The following ACP1 variants were observed in gnomAD, a reference collection of about 807,000 sequenced individuals.
ACP1 encodes the protein low molecular weight phosphotyrosine protein phosphatase.
In ACP1, 23 loss-of-function variants were observed where a neutral mutation model predicts 23.4. The ratio of observed to expected loss-of-function variants is 0.98; its 90% CI spans 0.71 to 1.39. ACP1 has a LOEUF of 1.39. ACP1 is among the 40% of genes most tolerant of loss of function. The pLI is 0.00. For synonymous variants in ACP1, 72 were observed against 67.2 expected (o/e 1.07, Z -0.35); for missense variants, 180 against 197.7 (o/e 0.91, Z 0.54).
At chr2:269,401 A>G (rs970263273) in intron 1 of ACP1, 1 of 463,050 alleles carries the variant, frequency 2.2e-6, no homozygotes, top group Non-Finnish European at 4.5e-6. Context: ...GTAGTAAGGC[A>G]GTGAGTTGGT....
chr2:277,797 T>G lies in ACP1; in HGVS notation c.*493T>G, dbSNP rs1371927946. 1 of 167,166 alleles carries G rather than the reference T, an allele frequency of 6.0e-6. No homozygotes were observed. The highest frequency in any genetic ancestry group is 1.3e-5 in the Non-Finnish European group (1 of 75,882). 10.4% of individuals were successfully genotyped at this position (167,166 alleles called of 1,614,324 possible). On this transcript the variant is annotated 3_prime_UTR_variant, in exon 6 of 6. Transcript: ENST00000272065. ...CTCCGTAGGAGCTCACAGTCTAGAT[T>G]AGAAGTGTTTTAATTTCTACACACC...
At chr2:265,305 C>T (rs1043250633) in intron 1 of ACP1, 1 of 373,892 alleles carries the variant, frequency 2.7e-6, no homozygotes, top group Middle Eastern at 7.0e-4. Context: ...TACTAGAATC[C>T]CTCTCGTTCC....
In ACP1 at chr2:266,710, G is replaced by C. The variant is rs560102126; in HGVS notation, c.43+1703G>C. On this transcript the variant is annotated intron_variant, in intron 1 of 5. Coordinates refer to ENST00000272065, the MANE Select transcript of ACP1 (RefSeq NM_004300.4). Reference sequence around the variant, plus strand: ...TGCAGTTTGAGGCAAGACAGCAGACGATCAGGAATTTCTTTTTCCTTGTTT... The same window carrying C: ...TGCAGTTTGAGGCAAGACAGCAGACCATCAGGAATTTCTTTTTCCTTGTTT... Among the ~76,000 whole-genome samples, 55 of 152,326 alleles carry C rather than the reference G, an allele frequency of 3.6e-4. 1 individual carries two copies. The highest frequency in any genetic ancestry group is 7.8e-4 in the Admixed American group (12 of 15,310).
rs113214267 is a variant in ACP1, at chr2:277,111, T to C, written c.399+26T>C. ...GTAAGTACAGTTCACGTTTTAGGGCTAATATGAAGACCCAACACATTTGTA... is the reference window on the plus strand; with the variant it reads ...GTAAGTACAGTTCACGTTTTAGGGCCAATATGAAGACCCAACACATTTGTA... On this transcript the variant is annotated intron_variant, in intron 5 of 5. Coordinates refer to ENST00000272065, the MANE Select transcript of ACP1 (RefSeq NM_004300.4). 12,412 of 1,580,130 alleles carry C rather than the reference T, an allele frequency of 7.9e-3. 75 individuals carry two copies. Among genetic ancestry groups the C allele is most frequent in the Non-Finnish European group, 9.4e-3 (10,764 of 1,149,044 alleles).
At chr2:267,139 A>G (rs1669912675) in intron 1 of ACP1, among the ~76,000 whole-genome samples, 1 of 152,200 alleles carries the variant, frequency 6.6e-6, no homozygotes, top group Non-Finnish European at 1.5e-5. Flanking sequence ...TTCATTTAAT[A>G]TTTTCCAACT....
At chr2:276,331 G>A (rs1275461005) in intron 4 of ACP1, among the ~76,000 whole-genome samples, 4 of 152,216 alleles carry the variant, frequency 2.6e-5, no homozygotes, top group African/African-American at 9.6e-5. Flanking sequence ...ATCCTGAGCT[G>A]TAAAACTTCG....
chr2:276,925 C>G, intron 4 of ACP1, 55 bp from the exon 5 acceptor site: 1 of 1,086,108 alleles, frequency 9.2e-7, no homozygotes, highest in South Asian at 1.4e-5. Flanking sequence ...GCAGATGTCC[C>G]TGTTTAACTT....
At chr2:271,817 C>T (rs1456335203) in intron 1 of ACP1, 49 bp from the exon 2 acceptor site, 5 of 1,448,880 alleles carry the variant, frequency 3.5e-6, no homozygotes, top group African/African-American at 2.8e-5. Context: ...TGGCATGTGC[C>T]CTTCCATCCA....
chr2:271,998 C>A (rs1488191255), intron 2 of ACP1, 39 bp from the exon 3 acceptor site: 78 of 1,483,252 alleles, frequency 5.3e-5, no homozygotes, highest in Admixed American at 3.7e-4. Context: ...CAGGAAATTG[C>A]AAAAAAAAAA....
intron 1 of ACP1, among the ~76,000 whole-genome samples, chr2:270,207 C>T (rs1394068432): frequency 6.6e-6 from 1 of 152,212 alleles, no homozygotes; most frequent in Non-Finnish European, 1.5e-5. Flanking sequence ...GTGCTTGGCA[C>T]ATAGAGTTGG....
intron 1 of ACP1, among the ~76,000 whole-genome samples, chr2:268,856 G>A (rs1211181414): frequency 6.6e-6 from 1 of 152,202 alleles, no homozygotes; most frequent in Admixed American, 6.5e-5. Context: ...ACAAAATTTG[G>A]TGGCATCAAC....
chr2:271,901 T>A lies in ACP1; in HGVS notation c.79T>A (p.Phe27Ile), dbSNP rs375107595. ...ICRSPIAEAV[F>I]RKLVTDQNIS... Reference sequence around the variant, plus strand: ...TCGATCACCCATTGCAGAAGCAGTTTTCAGGAAACTTGTAACCGATCAAAA... The same window carrying A: ...TCGATCACCCATTGCAGAAGCAGTTATCAGGAAACTTGTAACCGATCAAAA... The change falls in exon 2 of 6, where the codon TTC becomes ATC. Residue 27 changes from phenylalanine (F) to isoleucine (I), a missense_variant. Around this residue, in one of 3 missense-constraint regions of ACP1, gnomAD observed 132 missense variants for 124.1 expected, o/e 1.06. Coordinates refer to ENST00000272065, the MANE Select transcript of ACP1 (RefSeq NM_004300.4). The A allele has an allele frequency of 1.2e-6, 2 of 1,613,886 alleles. No homozygotes were observed. The highest frequency in any genetic ancestry group is 2.7e-5 in the African/African-American group (2 of 74,878).
chr2:277,235 C>T lies in ACP1; in HGVS notation c.408C>T (p.Asp136=), dbSNP rs1268359716. ...LIIEDPYYGN[D]SDFETVYQQC... ...TTTTCCTGTCCATTTAGGGGAATGACTCTGACTTTGAGACGGTGTACCAGC... is the reference window on the plus strand; with the variant it reads ...TTTTCCTGTCCATTTAGGGGAATGATTCTGACTTTGAGACGGTGTACCAGC... Residue 136 remains aspartate (D), a synonymous_variant, in exon 6 of 6, where the codon GAC becomes GAT. Transcript: ENST00000272065. The T allele has an allele frequency of 6.2e-7, 1 of 1,614,022 alleles. No individual in the cohort carries two copies. Among genetic ancestry groups the T allele is most frequent in the South Asian group, 1.1e-5 (1 of 91,068 alleles).
At chr2:273,589 G>A (rs542113752) in intron 3 of ACP1, among the ~76,000 whole-genome samples, 282 of 152,304 alleles carry the variant, frequency 1.9e-3, no homozygotes, top group Non-Finnish European at 3.0e-3. Flanking sequence ...CACAAAGCCC[G>A]ACTGTCTCTG....
rs1381932793 is a variant in ACP1, at chr2:265,465, C to T, written c.43+458C>T. ...TGAGTTAAAGGGAGATGAAGTTTTA[C>T]GGTTTCGGGTTTCTTGATTGTAAAA... On this transcript the variant is annotated intron_variant, in intron 1 of 5. Transcript: ENST00000272065. Among the ~76,000 whole-genome samples the T allele has an allele frequency of 5.3e-5, 8 of 152,168 alleles. No homozygotes were observed. The South Asian group carries it at 6.2e-4, about 12-fold the overall frequency.
intron 1 of ACP1, 84 bp downstream of exon 1, chr2:265,091 C>A: frequency 6.4e-7 from 1 of 1,562,264 alleles, no homozygotes; most frequent in Non-Finnish European, 8.8e-7. Context: ...TGCCGCCGGC[C>A]TAGGAACCAT....
intron 1 of ACP1, chr2:265,327 C>T (rs895508141): frequency 7.9e-5 from 25 of 316,396 alleles, no homozygotes; most frequent in Non-Finnish European, 1.4e-4. Flanking sequence ...CTCCAATGGG[C>T]CCAGGTAGGC....
chr2:270,443 C>T (rs1169527206), intron 1 of ACP1, among the ~76,000 whole-genome samples: 1 of 152,126 alleles, frequency 6.6e-6, no homozygotes, highest in Admixed American at 6.5e-5. Flanking sequence ...CTTCCTCTGT[C>T]CATTAAGATC....
chr2:266,132 T>A (rs992925415), intron 1 of ACP1, among the ~76,000 whole-genome samples: 2 of 152,224 alleles, frequency 1.3e-5, no homozygotes, highest in Non-Finnish European at 1.5e-5. Flanking sequence ...TTTACTATAA[T>A]TATTTGATAG....
Sources: allele counts gnomAD v4.1 joint callset (sites outside exome capture counted in the v4.1 genomes callset), GRCh38; gene constraint gnomAD v4.1.1; regional missense constraint gnomAD v4.1.1; transcripts MANE v1.5; gene names NCBI Gene and HGNC (gene_info 2026-07-23, HGNC 2026-07-21).